PDE5A: variants seen among roughly 807,000 people sequenced by gnomAD.
PDE5A encodes phosphodiesterase 5A.
PDE5A carries 67 observed loss-of-function variants against 110.2 expected under a neutral mutation model. The ratio of observed to expected loss-of-function variants is 0.61; its 90% CI spans 0.50 to 0.75. PDE5A has a LOEUF of 0.75. Among genes scored for constraint, PDE5A ranks in the 30% least tolerant of loss-of-function variants. The pLI, the probability that PDE5A is intolerant of heterozygous loss-of-function variation, is 0.00. For synonymous variants in PDE5A, 328 were observed against 351.2 expected, an observed-to-expected ratio of 0.93 and a Z score of 0.74; for missense variants, 862 against 1,045.1, an observed-to-expected ratio of 0.82 and a Z score of 2.42.
chr4:119,570,914 G>C (rs1311826944), intron 3 of PDE5A, among the ~76,000 whole-genome samples: 1 of 152,182 alleles, frequency 6.6e-6, no homozygotes, highest in Admixed American at 6.5e-5. Flanking sequence ...AGTTAGGGGA[G>C]AATTTTCCCT....
chr4:119,560,581 A>AT (rs1269535360), intron 6 of PDE5A, among the ~76,000 whole-genome samples: 2 of 152,052 alleles, frequency 1.3e-5, no homozygotes, highest in African/African-American at 4.8e-5. Context: ...ATAATTTCTG[A>AT]TTTTCTCTTG....
At chr4:119,580,521 A>T (rs1442692450) in intron 3 of PDE5A, among the ~76,000 whole-genome samples, 1 of 152,214 alleles carries the variant, frequency 6.6e-6, no homozygotes, top group Non-Finnish European at 1.5e-5. Context: ...TGGCTTTGCA[A>T]CATTCTCATA....
rs576762801 is a variant in PDE5A at position 119,565,016 on chromosome 4, A to C, written c.993+305T>G. ...AACTAAAACCATTATTTAACAACACAAGTGCAACCCATACAGTGACTTAAA... is the reference window on the plus strand; with the variant it reads ...AACTAAAACCATTATTTAACAACACCAGTGCAACCCATACAGTGACTTAAA... On this transcript the variant is annotated intron_variant, in intron 5 of 20. Transcript: ENST00000354960. 2.5e-4 allele frequency among the ~76,000 whole-genome samples: 38 copies of C among 152,242 alleles called. 1 individual carries two copies. In the South Asian group the frequency reaches 7.9e-3, roughly 32 times the overall value.
chr4:119,627,118 G>T lies in PDE5A; in HGVS notation c.152+1402C>A. 6.2e-7 allele frequency: 1 copy of T among 1,611,132 alleles called. No homozygotes were observed. The highest frequency in any genetic ancestry group is 8.5e-7 in the Non-Finnish European group (1 of 1,178,394). On this transcript the variant is annotated intron_variant, in intron 1 of 20. Coordinates refer to ENST00000354960, the MANE Select transcript of PDE5A (RefSeq NM_001083.4). The surrounding 1 kb of genome is among the most constrained non-coding windows in gnomAD (Gnocchi z 4.6). ...CCCGCCGCGCCCCCGGAAAAAGTGG[G>T]AAGGGACGTAGGGGGATGCTGAAGG... is the stretch of plus-strand genomic sequence containing the variant.
intron 12 of PDE5A, among the ~76,000 whole-genome samples, chr4:119,523,933 G>T (rs1726216485): frequency 6.6e-6 from 1 of 151,834 alleles, no homozygotes; most frequent in African/African-American, 2.4e-5. Context: ...AGAACTTCTG[G>T]CTCCAAATGA....
chr4:119,592,174 A>T (rs1176441368), intron 3 of PDE5A, among the ~76,000 whole-genome samples: 1 of 110,050 alleles, frequency 9.1e-6, no homozygotes. Context: ...AAAAAAAAAA[A>T]GCCGGGCGTG....
intron 3 of PDE5A, among the ~76,000 whole-genome samples, chr4:119,582,237 T>C (rs1287419958): frequency 3.3e-5 from 5 of 152,228 alleles, no homozygotes. Flanking sequence ...CTTTCAACAA[T>C]ATTCACAGCA....
intron 3 of PDE5A, among the ~76,000 whole-genome samples, chr4:119,575,042 C>G (rs889727178): frequency 6.6e-6 from 1 of 152,208 alleles, no homozygotes; most frequent in African/African-American, 2.4e-5. Context: ...GATGAATGCA[C>G]AAGCCTCAGT....
intron 3 of PDE5A, among the ~76,000 whole-genome samples, chr4:119,578,792 T>A (rs1728479264): frequency 1.3e-5 from 2 of 152,152 alleles, no homozygotes; most frequent in East Asian, 1.9e-4. Flanking sequence ...GGACTTCATG[T>A]CTAAAACACC....
chr4:119,552,798 T>A (rs111838506), intron 8 of PDE5A, among the ~76,000 whole-genome samples, 161 bp from the exon 9 acceptor site: 3,731 of 152,160 alleles, frequency 0.025, 59 homozygotes, highest in South Asian at 0.051. Context: ...ATAATGAAGT[T>A]CACATAAATG....
At chr4:119,556,334 TTTCCCAGTCCCCCATCC>T (rs959277660) in intron 7 of PDE5A, among the ~76,000 whole-genome samples, 2 of 152,142 alleles carry the variant, frequency 1.3e-5, no homozygotes, top group African/African-American at 4.8e-5. Context: ...CTGTCCCTTC[TTTCCCAGTCCCCCATCC>T]TACTGTTTAA....
intron 3 of PDE5A, among the ~76,000 whole-genome samples, chr4:119,590,351 C>T (rs1382044209): frequency 1.3e-5 from 2 of 152,210 alleles, no homozygotes; most frequent in East Asian, 3.9e-4. Flanking sequence ...ACTCCTCAAA[C>T]TACTCCCTCA....
intron 15 of PDE5A, among the ~76,000 whole-genome samples, chr4:119,509,733 C>T (rs1182234081): frequency 6.6e-6 from 1 of 152,032 alleles, no homozygotes; most frequent in Admixed American, 6.6e-5. Flanking sequence ...AGACCATATA[C>T]AGATTTTATA....
intron 7 of PDE5A, among the ~76,000 whole-genome samples, chr4:119,556,318 T>C (rs1396913452): frequency 2.0e-5 from 3 of 152,186 alleles, no homozygotes; most frequent in African/African-American, 7.2e-5. Context: ...AGGTGATACA[T>C]GCTGTCTGTC....
chr4:119,555,671 T>C lies in PDE5A; in HGVS notation c.1200-1925A>G, dbSNP rs539161488. ...TCATTATTTTAATTATCATCATCAT[T>C]ATTTTAAGAGTAGGAGCCAGGAAAA... On this transcript the variant is annotated intron_variant, in intron 7 of 20. Transcript: ENST00000354960. 3.3e-4 allele frequency among the ~76,000 whole-genome samples: 50 copies of C among 152,238 alleles called. 1 individual carries two copies. In the South Asian group the frequency reaches 9.3e-3, roughly 28 times the overall value.
chr4:119,577,453 C>A (rs942258297), intron 3 of PDE5A, among the ~76,000 whole-genome samples: 4 of 152,174 alleles, frequency 2.6e-5, no homozygotes, highest in Admixed American at 6.5e-5. Flanking sequence ...TACTGGCAAA[C>A]CAAATCCAGC....
intron 1 of PDE5A, among the ~76,000 whole-genome samples, chr4:119,612,471 T>A (rs1729790934): frequency 6.6e-6 from 1 of 152,188 alleles, no homozygotes; most frequent in South Asian, 2.1e-4. Context: ...CACTTCACTT[T>A]CCATATGACT....
rs914837793 is a variant in PDE5A at position 119,535,601 on chromosome 4, A to T, written c.1632+3359T>A. 1.2e-4 allele frequency among the ~76,000 whole-genome samples: 18 copies of T among 152,274 alleles called. No individual in the cohort carries two copies. The South Asian group carries it at 3.7e-3, about 32-fold the overall frequency. ...TTTTATTATTATCTCCGCAACTTGC[A>T]ACTAAGGATCATTAAAAGATATATG... is the stretch of plus-strand genomic sequence containing the variant. On this transcript the variant is annotated intron_variant, in intron 11 of 20. Coordinates refer to ENST00000354960, the MANE Select transcript of PDE5A (RefSeq NM_001083.4).
At chr4:119,599,164 C>A (rs1371816136) in intron 2 of PDE5A, among the ~76,000 whole-genome samples, 1 of 152,116 alleles carries the variant, frequency 6.6e-6, no homozygotes, top group Non-Finnish European at 1.5e-5. Context: ...CCAAGCCTGA[C>A]AGGATCAAAA....
Sources: gnomAD v4.1 joint callset for allele counts (sites outside exome capture counted in the v4.1 genomes callset) on GRCh38, gnomAD v4.1.1 for gene constraint, Gnocchi (gnomAD v3.1) non-coding constraint, MANE v1.5 for transcripts, NCBI Gene and HGNC (gene_info 2026-07-23, HGNC 2026-07-21) for gene names.